The following NOS3 variants were observed in gnomAD, a reference collection of about 807,000 sequenced individuals.
NOS3 encodes NOS type III.
In NOS3, 98 loss-of-function variants were observed where a neutral mutation model predicts 144.9. The observed-to-expected ratio is 0.68, with a 90% CI of 0.57 to 0.80. The LOEUF (loss-of-function observed/expected upper bound fraction) is 0.80. Among genes scored for constraint, NOS3 ranks in the 30% least tolerant of loss-of-function variants. The pLI, the probability that NOS3 is intolerant of heterozygous loss-of-function variation, is 0.00. For missense variants in NOS3, 1,465 were observed against 1,656.4 expected, an observed-to-expected ratio of 0.88 and a Z score of 2.01; for synonymous variants, 714 against 702.4, an observed-to-expected ratio of 1.02 and a Z score of -0.26.
chr7:151,006,048 T>C (rs1775166290), intron 14 of NOS3, among the ~76,000 whole-genome samples: 1 of 152,130 alleles, frequency 6.6e-6, no homozygotes, highest in Admixed American at 6.5e-5. Flanking sequence ...CTTACGTCAA[T>C]ATTGTTGTAT....
chr7:151,004,919 G>A (rs187335619), intron 14 of NOS3, among the ~76,000 whole-genome samples: 63 of 152,240 alleles, frequency 4.1e-4, no homozygotes, highest in African/African-American at 1.4e-3. Flanking sequence ...GTGCAATGGC[G>A]TGATCTCGGC....
Position 150,993,676 on chromosome 7 carries a change from TA to T in NOS3, c.-51-76del. ...TGTTCCTGTCCCATTGTGTATGGGATAGGGGCGGGGCGAGGGCCAGCACTGG... is the reference window on the plus strand; with the variant it reads ...TGTTCCTGTCCCATTGTGTATGGGATGGGGCGGGGCGAGGGCCAGCACTGG... On this transcript the variant is annotated intron_variant, in intron 1 of 26. Transcript: ENST00000297494. The surrounding 1 kb of genome is among the most constrained non-coding windows in gnomAD (Gnocchi z 4.0). 7 of 894,558 alleles carry T rather than the reference TA, an allele frequency of 7.8e-6. No homozygotes were observed. The highest frequency in any genetic ancestry group is 2.7e-5 in the East Asian group (1 of 36,828). The allele number at this position is 894,558 out of a possible 1,614,324, so 55.4% of individuals were successfully genotyped here.
At chr7:151,011,499 C>A (rs1290358238) in intron 23 of NOS3, among the ~76,000 whole-genome samples, 1 of 147,368 alleles carries the variant, frequency 6.8e-6, no homozygotes, top group African/African-American at 2.5e-5. Flanking sequence ...GCAACCTCCG[C>A]CTCCCGGGTT....
At chr7:151,008,886 C>G (rs942254997) in intron 17 of NOS3, 44 bp from the exon 18 acceptor site, 4 of 1,565,236 alleles carry the variant, frequency 2.6e-6, no homozygotes, top group Non-Finnish European at 3.5e-6. Context: ...TAGGGCGACC[C>G]CTGGTGGCGG....
rs377270449 is a variant in NOS3 at position 151,001,902 on chromosome 7, C to A, written c.1584C>A (p.Thr528=). ...VKATILYGSE[T]GRAQSYAQQL... ...CGACAATCCTGTATGGCTCCGAGAC[C>A]GGCCGGGCCCAGAGCTACGCACAGC... Residue 528 remains threonine, a synonymous_variant, in exon 13 of 27, where the codon ACC becomes ACA. Transcript: ENST00000297494. The A allele has an allele frequency of 1.2e-6, 2 of 1,613,520 alleles. No individual in the cohort carries two copies. Among genetic ancestry groups the A allele is most frequent in the Non-Finnish European group, 1.7e-6 (2 of 1,180,040 alleles).
Position 150,996,941 on chromosome 7 carries a change from G to T in NOS3, c.582+16G>T. ...GAAGCTGCAGGTGCGGCTGGCCAGC[G>T]ACTGAGAGACCCGGGCGCTACCAAA... On this transcript the variant is annotated intron_variant, in intron 5 of 26. Coordinates refer to ENST00000297494, the MANE Select transcript of NOS3 (RefSeq NM_000603.5). The T allele has an allele frequency of 6.5e-7, 1 of 1,550,246 alleles. No individual in the cohort carries two copies. Among genetic ancestry groups the T allele is most frequent in the South Asian group, 1.2e-5 (1 of 84,266 alleles).
chr7:151,010,330 G>C (rs978432939), intron 21 of NOS3, 43 bp downstream of exon 21: 29 of 1,565,952 alleles, frequency 1.9e-5, no homozygotes, highest in Non-Finnish European at 2.4e-5. Context: ...AGAGAGACGG[G>C]ATGAGCTGGG....
At chr7:151,013,157 C>T (rs1250332944) in intron 24 of NOS3, 74 bp from the exon 25 acceptor site, 9 of 1,504,236 alleles carry the variant, frequency 6.0e-6, no homozygotes, top group Admixed American at 2.0e-5. Flanking sequence ...GGCTGGGCGA[C>T]GGTGGCCTGT....
Position 151,014,313 on chromosome 7 carries a change from TC to T in NOS3, c.*146del. 2 of 913,150 alleles carry T rather than the reference TC, an allele frequency of 2.2e-6. No individual in the cohort carries two copies. The highest frequency in any genetic ancestry group is 1.8e-5 in the South Asian group (1 of 56,168). The allele number at this position is 913,150 out of a possible 1,614,324, so 56.6% of individuals were successfully genotyped here. ...GGCTGCAAGGATTCAGCATTATTCC[TC>T]CAGGAAGGAGCAAAACGCCTCTTTT... On this transcript the variant is annotated 3_prime_UTR_variant, in exon 27 of 27. Coordinates refer to ENST00000297494, the MANE Select transcript of NOS3 (RefSeq NM_000603.5).
In NOS3 at chr7:151,002,680, G is replaced by A. The variant is rs1018266469; in HGVS notation, c.1752+376G>A. On this transcript the variant is annotated intron_variant, in intron 14 of 26. Transcript: ENST00000297494. The surrounding 1 kb of genome is among the most constrained non-coding windows in gnomAD (Gnocchi z 4.1). The stretch of plus-strand genomic sequence containing the variant: ...GCACTGACAAGAAAAACAGGGATAC[G>A]TCACTGAGGGCGGCTTCTAGGATGC... 7.2e-5 allele frequency among the ~76,000 whole-genome samples: 11 copies of A among 152,180 alleles called. No homozygotes were observed. The highest frequency in any genetic ancestry group is 1.4e-4 in the African/African-American group (6 of 41,436).
Position 151,009,171 on chromosome 7 carries a change from GC to G in NOS3, c.2246-14del, listed in dbSNP as rs1377571332. On this transcript the variant is annotated splice_polypyrimidine_tract_variant and intron_variant, in intron 18 of 26. Coordinates refer to ENST00000297494, the MANE Select transcript of NOS3 (RefSeq NM_000603.5). Reference sequence around the variant, plus strand: ...CTCCCTAGCTCAGGCTGCCTCATTTGCCCCTCCCCGCCCCCAGGTCTGATCC... The same window carrying G: ...CTCCCTAGCTCAGGCTGCCTCATTTGCCCTCCCCGCCCCCAGGTCTGATCC... The G allele has an allele frequency of 6.2e-7, 1 of 1,613,622 alleles. No individual in the cohort carries two copies. Among genetic ancestry groups the G allele is most frequent in the African/African-American group, 1.3e-5 (1 of 74,976 alleles).
At chr7:151,000,238 G>T (rs1795059507) in intron 9 of NOS3, among the ~76,000 whole-genome samples, 1 of 151,858 alleles carries the variant, frequency 6.6e-6, no homozygotes, top group African/African-American at 2.4e-5. Flanking sequence ...AGGGGACCTT[G>T]ACTCGGCAAA....
At chr7:151,013,599 C>A in intron 25 of NOS3, 125 bp from the exon 26 acceptor site, 2 of 1,062,458 alleles carry the variant, frequency 1.9e-6, no homozygotes, top group Non-Finnish European at 2.6e-6. Flanking sequence ...TGACACCGCC[C>A]CAGGGCACGC....
chr7:150,994,199 T>TG (rs1802317823), intron 2 of NOS3, among the ~76,000 whole-genome samples: 1 of 152,150 alleles, frequency 6.6e-6, no homozygotes. Context: ...GGCCAGGGTT[T>TG]GAATGCTGCT....
intron 17 of NOS3, among the ~76,000 whole-genome samples, chr7:151,008,483 TG>T (rs1444221857): frequency 1.3e-5 from 2 of 152,202 alleles, no homozygotes; most frequent in Non-Finnish European, 2.9e-5. Flanking sequence ...ACTTACTATC[TG>T]CACGCACTTT....
At position 150,999,253 on chromosome 7, in the gene NOS3, G is replaced by T; in HGVS notation, c.1020G>T (p.Leu340=). 6.2e-7 allele frequency: 1 copy of T among 1,612,262 alleles called. No homozygotes were observed. The highest frequency in any genetic ancestry group is 8.5e-7 in the Non-Finnish European group (1 of 1,179,810). The stretch of plus-strand genomic sequence containing the variant: ...CCCTCCCGGCAGTGTCCAACATGCT[G>T]CTGGAAATTGGGGGCCTGGAGTTCC... ...WYALPAVSNM[L]LEIGGLEFPA... The change falls in exon 9 of 27, where the codon CTG becomes CTT. Residue 340 remains leucine (L), a synonymous_variant. Transcript: ENST00000297494.
chr7:151,007,624 G>T (rs1795226163), intron 17 of NOS3, among the ~76,000 whole-genome samples: 1 of 152,260 alleles, frequency 6.6e-6, no homozygotes, highest in Non-Finnish European at 1.5e-5. Context: ...GCAGGATGGA[G>T]GGAGAAGGAA....
chr7:151,001,835 C>T lies in NOS3; in HGVS notation c.1517C>T (p.Ser506Phe), dbSNP rs201216025. 6.2e-7 allele frequency: 1 copy of T among 1,613,720 alleles called. No individual in the cohort carries two copies. The highest frequency in any genetic ancestry group is 2.2e-5 in the East Asian group (1 of 44,884). ...CTCTCCCGCAGCGCCGTGAAGATCT[C>T]CGCCTCGCTCATGGGCACGGTGATG... ...FKEVANAVKI[S>F]ASLMGTVMAK... Residue 506 changes from serine (S) to phenylalanine (F), a missense_variant, in exon 13 of 27, where the codon TCC becomes TTC. Coordinates refer to ENST00000297494, the MANE Select transcript of NOS3 (RefSeq NM_000603.5).
chr7:151,005,684 G>A (rs556192423), intron 14 of NOS3, among the ~76,000 whole-genome samples: 4 of 152,318 alleles, frequency 2.6e-5, no homozygotes, highest in African/African-American at 7.2e-5. Flanking sequence ...CAAGGCACAC[G>A]TACAAGGGCG....
Sources: gnomAD v4.1 joint callset for allele counts (sites outside exome capture counted in the v4.1 genomes callset) on GRCh38, gnomAD v4.1.1 for gene constraint, Gnocchi (gnomAD v3.1) non-coding constraint, MANE v1.5 for transcripts, NCBI Gene and HGNC (gene_info 2026-07-23, HGNC 2026-07-21) for gene names.